MFSD6: variants seen among roughly 807,000 people sequenced by gnomAD.
The protein encoded by MFSD6 is major facilitator superfamily domain-containing protein 6.
A neutral mutation model predicts 56.3 loss-of-function variants in MFSD6; 26 were observed. The observed-to-expected ratio is 0.46, with a 90% CI of 0.34 to 0.64. The LOEUF (loss-of-function observed/expected upper bound fraction) is 0.64. MFSD6 is among the 30% of genes least tolerant of loss of function. The pLI is 0.01. For synonymous variants in MFSD6, 331 were observed against 366.9 expected, an observed-to-expected ratio of 0.90 and a Z score of 1.12; for missense variants, 750 against 986.2, an observed-to-expected ratio of 0.76 and a Z score of 3.21.
upstream of MFSD6, among the ~76,000 whole-genome samples, chr2:190,407,982 A>G (rs71426861): frequency 1.6e-4 from 24 of 152,148 alleles, no homozygotes; most frequent in Admixed American, 3.9e-4. The surrounding 1 kb of genome is among the most constrained non-coding windows in gnomAD (Gnocchi z 5.4). Flanking sequence ...GGGGGGGTGG[A>G]GGGTGCGGTA....
Position 190,497,593 on chromosome 2 carries a change from T to C in MFSD6, c.2046T>C (p.Asp682=), listed in dbSNP as rs771502231. 2.5e-6 allele frequency: 4 copies of C among 1,614,168 alleles called. No homozygotes were observed. The highest frequency in any genetic ancestry group is 3.4e-6 in the Non-Finnish European group (4 of 1,180,028). The part of the protein sequence containing the change: ...KKTKHQEEQE[D]VNKPAWGVSS... ...CTAAGCACCAGGAAGAACAGGAAGATGTGAACAAACCAGCCTGGGGAGTCA... is the reference window on the plus strand; with the variant it reads ...CTAAGCACCAGGAAGAACAGGAAGACGTGAACAAACCAGCCTGGGGAGTCA... The change falls in exon 7 of 8, where the codon GAT becomes GAC. Residue 682 remains aspartate, a synonymous_variant. Coordinates refer to ENST00000392328, the MANE Select transcript of MFSD6 (RefSeq NM_017694.4). This position sits in a 1 kb window ranked among gnomAD's most constrained non-coding sequence, Gnocchi z 5.2.
Position 190,488,879 on chromosome 2 carries a change from A to G in MFSD6, c.1792+61A>G. 2.1e-6 allele frequency: 3 copies of G among 1,419,350 alleles called. No individual in the cohort carries two copies. Among genetic ancestry groups the G allele is most frequent in the Non-Finnish European group, 2.8e-6 (3 of 1,059,230 alleles). 87.9% of individuals were successfully genotyped at this position (1,419,350 alleles called of 1,614,324 possible). On this transcript the variant is annotated intron_variant, in intron 5 of 7. Transcript: ENST00000392328. The surrounding 1 kb of genome is among the most constrained non-coding windows in gnomAD (Gnocchi z 6.4). ...TATTAAAACATGATTTTTTCCAGCA[A>G]TACCTCAATAAACAATCCAATTATT...
At chr2:190,475,302 A>G (rs1233832811) in intron 4 of MFSD6, among the ~76,000 whole-genome samples, 1 of 151,914 alleles carries the variant, frequency 6.6e-6, no homozygotes, top group East Asian at 1.9e-4. Context: ...ACATGATTGT[A>G]TATCTAGAAA....
chr2:190,448,249 C>A (rs1460683587), intron 3 of MFSD6, among the ~76,000 whole-genome samples: 1 of 152,220 alleles, frequency 6.6e-6, no homozygotes, highest in Non-Finnish European at 1.5e-5. Flanking sequence ...CAATTTAGCA[C>A]TCTATGCTCA....
Position 190,424,965 on chromosome 2 carries a change from T to C in MFSD6, c.-54+9552T>C, listed in dbSNP as rs1369102046. 6.6e-6 allele frequency among the ~76,000 whole-genome samples: 1 copy of C among 152,254 alleles called. No individual in the cohort carries two copies. Among genetic ancestry groups the C allele is most frequent in the Non-Finnish European group, 1.5e-5 (1 of 68,038 alleles). On this transcript the variant is annotated intron_variant, in intron 2 of 7. Coordinates refer to ENST00000392328, the MANE Select transcript of MFSD6 (RefSeq NM_017694.4). This position sits in a 1 kb window ranked among gnomAD's most constrained non-coding sequence, Gnocchi z 5.9. Reference sequence around the variant, plus strand: ...TGATAGGAGTTGTGTTAAACCTGTATATCAATTTGAGGAGAATTGAAATTC... The same window carrying C: ...TGATAGGAGTTGTGTTAAACCTGTACATCAATTTGAGGAGAATTGAAATTC...
Position 190,497,012 on chromosome 2 carries a change from AACTT to A in MFSD6, c.1892-424_1892-421del, listed in dbSNP as rs1462002808. ...AAAATCTCACAAATCACCATTAGAG[AACTT>A]ACGTAACCAAATACCACCTGTTCCC... On this transcript the variant is annotated intron_variant, in intron 6 of 7. Transcript: ENST00000392328. The surrounding 1 kb of genome is among the most constrained non-coding windows in gnomAD (Gnocchi z 5.2). Among the ~76,000 whole-genome samples the A allele has an allele frequency of 6.6e-6, 1 of 152,088 alleles. No homozygotes were observed. The highest frequency in any genetic ancestry group is 1.5e-5 in the Non-Finnish European group (1 of 68,028).
In MFSD6 at chr2:190,463,894, C is replaced by G. The variant is rs1358310355; in HGVS notation, c.1533-5864C>G. 1.0e-6 allele frequency: 1 copy of G among 984,528 alleles called. No homozygotes were observed. Among genetic ancestry groups the G allele is most frequent in the Admixed American group, 6.2e-5 (1 of 16,260 alleles). 61.0% of individuals were successfully genotyped at this position (984,528 alleles called of 1,614,324 possible). On this transcript the variant is annotated intron_variant, in intron 3 of 7. Coordinates refer to ENST00000392328, the MANE Select transcript of MFSD6 (RefSeq NM_017694.4). This position sits in a 1 kb window ranked among gnomAD's most constrained non-coding sequence, Gnocchi z 4.4. ...GCCCAATCTAAGGGCGCACCATATA[C>G]TGTCTACCATACAGAAAACGTAATC...
Position 190,495,926 on chromosome 2 carries a change from C to T in MFSD6, c.1892-1513C>T, listed in dbSNP as rs556456365. Among the ~76,000 whole-genome samples the T allele has an allele frequency of 1.3e-5, 2 of 152,226 alleles. No individual in the cohort carries two copies. The highest frequency in any genetic ancestry group is 4.2e-4 in the South Asian group (2 of 4,818). ...TCAGAAAAACCCTTCTAGACATTGG[C>T]TTAGGCAGAGATTTCGTGACCAAGA... is the stretch of plus-strand genomic sequence containing the variant. On this transcript the variant is annotated intron_variant, in intron 6 of 7. Coordinates refer to ENST00000392328, the MANE Select transcript of MFSD6 (RefSeq NM_017694.4). The surrounding 1 kb of genome is among the most constrained non-coding windows in gnomAD (Gnocchi z 4.7).
rs527544977 is a variant in MFSD6 at position 190,458,083 on chromosome 2, T to C, written c.1533-11675T>C. Among the ~76,000 whole-genome samples the C allele has an allele frequency of 2.6e-5, 4 of 152,220 alleles. No homozygotes were observed. The highest frequency in any genetic ancestry group is 5.9e-5 in the Non-Finnish European group (4 of 68,012). ...GCGGTGTCACACACTCTGTTGCTGG[T>C]CTAGGGAGGAAATGGCTCTGGAAAA... On this transcript the variant is annotated intron_variant, in intron 3 of 7. Coordinates refer to ENST00000392328, the MANE Select transcript of MFSD6 (RefSeq NM_017694.4). This position sits in a 1 kb window ranked among gnomAD's most constrained non-coding sequence, Gnocchi z 5.3.
intron 4 of MFSD6, among the ~76,000 whole-genome samples, chr2:190,486,430 C>T (rs1689011973): frequency 6.6e-6 from 1 of 152,220 alleles, no homozygotes; most frequent in Admixed American, 6.5e-5. Flanking sequence ...GCATTCTGCC[C>T]TGGAACTCTA....
At chr2:190,421,793 C>G (rs915761714) in intron 2 of MFSD6, among the ~76,000 whole-genome samples, 5 of 152,072 alleles carry the variant, frequency 3.3e-5, no homozygotes, top group African/African-American at 4.8e-5. Flanking sequence ...TTAATTGATC[C>G]TCTTGCCTTG....
At position 190,467,966 on chromosome 2, in the gene MFSD6, T is replaced by A. The variant is rs185709473; in HGVS notation, c.1533-1792T>A. Among the ~76,000 whole-genome samples, 1 of 152,222 alleles carries A rather than the reference T, an allele frequency of 6.6e-6. No individual in the cohort carries two copies. Among genetic ancestry groups the A allele is most frequent in the East Asian group, 1.9e-4 (1 of 5,202 alleles). On this transcript the variant is annotated intron_variant, in intron 3 of 7. Transcript: ENST00000392328. This position sits in a 1 kb window ranked among gnomAD's most constrained non-coding sequence, Gnocchi z 5.5. ...AAACTGTTTAATGTGTGGTCCTTTATAGAAAAGTGTTTGCTGACCCCTGAG... is the reference window on the plus strand; with the variant it reads ...AAACTGTTTAATGTGTGGTCCTTTAAAGAAAAGTGTTTGCTGACCCCTGAG...
Position 190,489,873 on chromosome 2 carries a change from A to T in MFSD6, c.1891+7A>T. Reference sequence around the variant, plus strand: ...GTGCCAGATGAGGAAGAAGGTAATTATTTCCATTCTTTCTTAATATTCCTA... The same window carrying T: ...GTGCCAGATGAGGAAGAAGGTAATTTTTTCCATTCTTTCTTAATATTCCTA... On this transcript the variant is annotated splice_region_variant and intron_variant, in intron 6 of 7. Coordinates refer to ENST00000392328, the MANE Select transcript of MFSD6 (RefSeq NM_017694.4). This position sits in a 1 kb window ranked among gnomAD's most constrained non-coding sequence, Gnocchi z 6.6. The T allele has an allele frequency of 6.2e-7, 1 of 1,612,006 alleles. No individual in the cohort carries two copies. Among genetic ancestry groups the T allele is most frequent in the Non-Finnish European group, 8.5e-7 (1 of 1,178,482 alleles).
At chr2:190,478,401 C>A in intron 4 of MFSD6, among the ~76,000 whole-genome samples, 1 of 152,086 alleles carries the variant, frequency 6.6e-6, no homozygotes, top group Non-Finnish European at 1.5e-5. Flanking sequence ...AAATCCCTTG[C>A]CTTTGTTTGA....
chr2:190,481,973 C>G (rs983263570), intron 4 of MFSD6, among the ~76,000 whole-genome samples: 1 of 152,180 alleles, frequency 6.6e-6, no homozygotes, highest in African/African-American at 2.4e-5. Flanking sequence ...CGTGGACATG[C>G]AGCTAGATTC....
intron 3 of MFSD6, among the ~76,000 whole-genome samples, chr2:190,450,263 A>G (rs1271292797): frequency 6.6e-6 from 1 of 152,098 alleles, no homozygotes; most frequent in Non-Finnish European, 1.5e-5. Flanking sequence ...CTGCAATTAT[A>G]TAATTTTGAA....
intron 3 of MFSD6, among the ~76,000 whole-genome samples, chr2:190,452,486 T>A (rs188161439): frequency 1.3e-5 from 2 of 152,320 alleles, no homozygotes; most frequent in Admixed American, 1.3e-4. Flanking sequence ...GAGATGAGAA[T>A]TGTAGAGTGA....
In MFSD6 at chr2:190,418,345, A is replaced by G. The variant is rs1359319574; in HGVS notation, c.-54+2932A>G. Among the ~76,000 whole-genome samples, 5 of 152,210 alleles carry G rather than the reference A, an allele frequency of 3.3e-5. No homozygotes were observed. The East Asian group carries it at 9.6e-4, about 29-fold the overall frequency. On this transcript the variant is annotated intron_variant, in intron 2 of 7. Coordinates refer to ENST00000392328, the MANE Select transcript of MFSD6 (RefSeq NM_017694.4). This position sits in a 1 kb window ranked among gnomAD's most constrained non-coding sequence, Gnocchi z 4.1. ...TGGTAATAATATGATAGTATAATCCACTGATTCCCTGTTGAAGTGCAAATA... is the reference window on the plus strand; with the variant it reads ...TGGTAATAATATGATAGTATAATCCGCTGATTCCCTGTTGAAGTGCAAATA...
At chr2:190,445,861 A>AT (rs138381334) in intron 3 of MFSD6, among the ~76,000 whole-genome samples, 15,312 of 152,018 alleles carry the variant, frequency 0.1, 1,048 homozygotes, top group Non-Finnish European at 0.16. Flanking sequence ...AAAGAAGGTC[A>AT]TTTTTTTTCC....
Sources: gnomAD v4.1 joint callset for allele counts (sites outside exome capture counted in the v4.1 genomes callset) on GRCh38, gnomAD v4.1.1 for gene constraint, Gnocchi (gnomAD v3.1) non-coding constraint, MANE v1.5 for transcripts, NCBI Gene and HGNC (gene_info 2026-07-23, HGNC 2026-07-21) for gene names.